The following CNGB1 variants were observed in gnomAD, a reference collection of about 807,000 sequenced individuals.
The protein encoded by CNGB1 is cyclic nucleotide-gated channel beta-1.
A neutral mutation model predicts 151.7 loss-of-function variants in CNGB1; 126 were observed. The observed-to-expected ratio is 0.83, with a 90% CI of 0.72 to 0.96. The LOEUF is 0.96. CNGB1 is among the 40% of genes least tolerant of loss of function. The pLI is 0.00. For missense variants in CNGB1, 1,698 were observed against 1,627.0 expected, an observed-to-expected ratio of 1.04 and a Z score of -0.75; for synonymous variants, 623 against 635.1, an observed-to-expected ratio of 0.98 and a Z score of 0.29.
chr16:57,963,119 C>T (rs1962305054), intron 4 of CNGB1, 55 bp from the exon 5 acceptor site: 1 of 1,302,772 alleles, frequency 7.7e-7, no homozygotes, highest in Non-Finnish European at 1.1e-6. Context: ...TCAATGAGGC[C>T]CTCGAGGCCC....
chr16:57,920,718 A>G (rs560641522), intron 18 of CNGB1, among the ~76,000 whole-genome samples, 174 bp from the exon 19 acceptor site: 11 of 152,338 alleles, frequency 7.2e-5, no homozygotes, highest in Admixed American at 7.2e-4. Flanking sequence ...ATCACCTAGA[A>G]GGAAATTCAG....
chr16:57,884,341 C>G lies in CNGB1; in HGVS notation c.3579G>C (p.Pro1193=), dbSNP rs778536843. ...GCGGTGGAGAGCTCGGTGGAGACCC[C>G]GGGGGCTCGGGGGGCGTCCGGGGCG... The part of the protein sequence containing the change: ...PPAPRTPPEP[P]GSPPSSPPPA... Residue 1193 remains proline, a synonymous_variant, in exon 33 of 33, where the codon CCG becomes CCC. Coordinates refer to ENST00000251102, the MANE Select transcript of CNGB1 (RefSeq NM_001297.5). The G allele has an allele frequency of 1.9e-6, 3 of 1,562,488 alleles. No homozygotes were observed. Among genetic ancestry groups the G allele is most frequent in the Non-Finnish European group, 2.6e-6 (3 of 1,157,098 alleles).
Position 57,940,282 on chromosome 16 carries a change from C to A in CNGB1, c.1161G>T (p.Val387=). ...GGGTCCCGTCTTCTTCACTCTGGCC[C>A]ACGCCCACCTGCGACACCACACAGC... ...LDSCVVSQVG[V]GQSEEDGTRP... is the part of the protein sequence containing the mutation. The change falls in exon 15 of 33, where the codon GTG becomes GTT. Residue 387 remains valine, a synonymous_variant. Transcript: ENST00000251102. 6.3e-7 allele frequency: 1 copy of A among 1,583,098 alleles called. No homozygotes were observed. The highest frequency in any genetic ancestry group is 2.3e-5 in the East Asian group (1 of 43,710).
At position 57,920,129 on chromosome 16, in the gene CNGB1, A is replaced by T. The variant is rs2149366307; in HGVS notation, c.1801+258T>A. Among the ~76,000 whole-genome samples the T allele has an allele frequency of 1.3e-5, 2 of 152,348 alleles. 1 individual carries two copies. Among genetic ancestry groups the T allele is most frequent in the South Asian group, 4.1e-4 (2 of 4,830 alleles). On this transcript the variant is annotated intron_variant, in intron 19 of 32. Transcript: ENST00000251102. ...CACCTACCAGTAGGAAAGGGACAGA[A>T]GGGTCAAGGAAGGCACTTGCCCCAT... is the stretch of plus-strand genomic sequence containing the variant.
At position 57,901,602 on chromosome 16, in the gene CNGB1, G is replaced by A. The variant is rs1245033795; in HGVS notation, c.2818C>T (p.Leu940Phe). ...AGGTCCAGCCGCATCTTGTCTGGAA[G>A]CTGCACCATCAGCTCTGACTCATCT... The part of the protein sequence containing the change: ...MLDESELMVQ[L>F]PDKMRLDLAI... Residue 940 changes from leucine (L) to phenylalanine (F), a missense_variant, in exon 28 of 33, where the codon CTT becomes TTT. By Grantham distance (22) the Leu-to-Phe change is conservative. Transcript: ENST00000251102. The A allele has an allele frequency of 5.6e-6, 9 of 1,613,956 alleles. No individual in the cohort carries two copies. Among genetic ancestry groups the A allele is most frequent in the African/African-American group, 1.3e-5 (1 of 74,926 alleles).
chr16:57,919,352 G>C, intron 19 of CNGB1, 98 bp from the exon 20 acceptor site: 1 of 1,605,188 alleles, frequency 6.2e-7, no homozygotes, highest in Non-Finnish European at 8.5e-7. Context: ...ATCCAGATCT[G>C]AGAGGACCCT....
chr16:57,916,622 C>T (rs1381810169), intron 21 of CNGB1, among the ~76,000 whole-genome samples: 2 of 152,198 alleles, frequency 1.3e-5, no homozygotes, highest in African/African-American at 2.4e-5. Context: ...AAAACAGGCA[C>T]TGCCGGGGTG....
chr16:57,955,487 C>A (rs537028306), intron 12 of CNGB1: 3 of 843,568 alleles, frequency 3.6e-6, no homozygotes, highest in African/African-American at 3.4e-5. Flanking sequence ...TATCCCCCAG[C>A]CTCTCAGAGT....
intron 12 of CNGB1, among the ~76,000 whole-genome samples, chr16:57,956,486 C>A (rs1962088528): frequency 6.6e-6 from 1 of 152,198 alleles, no homozygotes; most frequent in Admixed American, 6.5e-5. Context: ...GCCATGGCGG[C>A]CACCCCCGGC....
chr16:57,967,030 T>A, intron 2 of CNGB1, 98 bp downstream of exon 2: 1 of 1,567,012 alleles, frequency 6.4e-7, no homozygotes, highest in Non-Finnish European at 8.7e-7. Flanking sequence ...GATGCCAACC[T>A]TTTCTGCTGT....
intron 25 of CNGB1, among the ~76,000 whole-genome samples, chr16:57,911,026 AG>A (rs1182549463): frequency 6.6e-6 from 1 of 152,104 alleles, no homozygotes; most frequent in African/African-American, 2.4e-5. Context: ...CTGATTGGCA[AG>A]TGGGTCTCAC....
chr16:57,916,129 C>T lies in CNGB1; in HGVS notation c.2217G>A (p.Lys739=), dbSNP rs763145202. 6.2e-7 allele frequency: 1 copy of T among 1,614,078 alleles called. No homozygotes were observed. Among genetic ancestry groups the T allele is most frequent in the Non-Finnish European group, 8.5e-7 (1 of 1,179,982 alleles). ...TAAACCTTGCATGCCCGGCACACAC[C>T]TTGAAGCGGCGAGACTTCAGGTAGT... ...RNNYLKSRRF[K]MDLLSLLPLD... Residue 739 remains lysine (K), a splice_region_variant and synonymous_variant, in exon 22 of 33, where the codon AAG becomes AAA. Coordinates refer to ENST00000251102, the MANE Select transcript of CNGB1 (RefSeq NM_001297.5).
intron 1 of CNGB1, among the ~76,000 whole-genome samples, chr16:57,967,887 G>C (rs1002352413): frequency 3.3e-5 from 5 of 152,024 alleles, no homozygotes; most frequent in African/African-American, 1.2e-4. Flanking sequence ...CAATGTTATA[G>C]CAAAAGATGA....
intron 9 of CNGB1, 131 bp downstream of exon 9, chr16:57,960,351 C>T: frequency 7.7e-7 from 1 of 1,294,036 alleles, no homozygotes; most frequent in Non-Finnish European, 1.1e-6. Context: ...CTGCTCCAGG[C>T]AAGCCCTGAA....
Position 57,967,130 on chromosome 16 carries a change from T to C in CNGB1, c.157A>G (p.Met53Val). ...PEEAETESES[M>V]PPEESFKEEE... Reference sequence around the variant, plus strand: ...CCTCCTCCCGCTCTACCTCTCACCATGGACTCGGACTCTGTCTCGGCCTCC... The same window carrying C: ...CCTCCTCCCGCTCTACCTCTCACCACGGACTCGGACTCTGTCTCGGCCTCC... Residue 53 changes from methionine (M) to valine (V), a missense_variant and splice_region_variant, in exon 2 of 33, where the codon ATG becomes GTG. Transcript: ENST00000251102. The C allele has an allele frequency of 6.2e-7, 1 of 1,614,170 alleles. No homozygotes were observed. The highest frequency in any genetic ancestry group is 8.5e-7 in the Non-Finnish European group (1 of 1,180,028).
intron 32 of CNGB1, among the ~76,000 whole-genome samples, chr16:57,886,976 G>A (rs989139046): frequency 1.3e-5 from 2 of 152,180 alleles, no homozygotes; most frequent in African/African-American, 4.8e-5. Flanking sequence ...CTGGGCTCAA[G>A]TGATGCTCCC....
At chr16:57,922,736 T>C (rs1482272050) in intron 18 of CNGB1, among the ~76,000 whole-genome samples, 1 of 152,198 alleles carries the variant, frequency 6.6e-6, no homozygotes, top group Non-Finnish European at 1.5e-5. Context: ...GCCGTCATCA[T>C]AGTGGTTTCT....
At chr16:57,906,651 T>C (rs1960560162) in intron 25 of CNGB1, among the ~76,000 whole-genome samples, 1 of 152,234 alleles carries the variant, frequency 6.6e-6, no homozygotes, top group Non-Finnish European at 1.5e-5. Context: ...AAGCAGCGTT[T>C]AGCGGGACGG....
intron 17 of CNGB1, among the ~76,000 whole-genome samples, chr16:57,926,516 G>A (rs1961193454): frequency 6.6e-6 from 1 of 152,218 alleles, no homozygotes; most frequent in Admixed American, 6.5e-5. Flanking sequence ...AAATGATCCT[G>A]TTGCCTTCTG....
Sources: allele counts gnomAD v4.1 joint callset (sites outside exome capture counted in the v4.1 genomes callset), GRCh38; gene constraint gnomAD v4.1.1; transcripts MANE v1.5; gene names NCBI Gene and HGNC (gene_info 2026-07-23, HGNC 2026-07-21).